MARCHF6: variants seen among roughly 807,000 people sequenced by gnomAD.
MARCHF6 encodes E3 ubiquitin-protein ligase MARCHF6.
In MARCHF6, 31 loss-of-function variants were observed where a neutral mutation model predicts 133.7. The observed-to-expected ratio is 0.23, with a 90% CI of 0.17 to 0.31. The LOEUF (loss-of-function observed/expected upper bound fraction) is 0.31, where lower values mean the gene tolerates loss of function less well. Among genes scored for constraint, MARCHF6 ranks in the 10% least tolerant of loss-of-function variants. MARCHF6 has a pLI of 1.00. For synonymous variants in MARCHF6, 395 were observed against 402.5 expected, an observed-to-expected ratio of 0.98 and a Z score of 0.22; for missense variants, 723 against 1,121.6, an observed-to-expected ratio of 0.64 and a Z score of 5.08.
chr5:10,373,726 C>A (rs530332818), intron 1 of MARCHF6, among the ~76,000 whole-genome samples: 1 of 152,310 alleles, frequency 6.6e-6, no homozygotes, highest in East Asian at 1.9e-4. Context: ...CCTACTTGCA[C>A]AGCCATCTGA....
At chr5:10,376,313 G>T (rs1026299740) in intron 1 of MARCHF6, among the ~76,000 whole-genome samples, 1 of 151,916 alleles carries the variant, frequency 6.6e-6, no homozygotes, top group African/African-American at 2.4e-5. Context: ...GCTGCCTTAA[G>T]AGCTGTAACA....
Position 10,430,024 on chromosome 5 carries a change from G to T in MARCHF6, c.2638G>T (p.Asp880Tyr). 6.2e-7 allele frequency: 1 copy of T among 1,608,270 alleles called. No individual in the cohort carries two copies. The highest frequency in any genetic ancestry group is 1.1e-5 in the South Asian group (1 of 90,636). ...GCGCCTTTATGAACATATTAAAAAT[G>T]ACAAGTAAGTCTGGCGTTCTGTTCG... ...FKRLYEHIKNDKYLVGQRLVN... is the reference protein window; with the variant it reads ...FKRLYEHIKNYKYLVGQRLVN... Residue 880 changes from aspartate to tyrosine, a missense_variant, in exon 25 of 26, where the codon GAC (aspartate) becomes TAC (tyrosine). Transcript: ENST00000274140.
chr5:10,359,518 A>G (rs1369034982), intron 1 of MARCHF6, among the ~76,000 whole-genome samples: 1 of 152,178 alleles, frequency 6.6e-6, no homozygotes, highest in Non-Finnish European at 1.5e-5. Context: ...TTCATGGCAT[A>G]ATTTTATTTT....
At chr5:10,411,591 C>A in intron 19 of MARCHF6, 54 bp downstream of exon 19, 3 of 1,439,166 alleles carry the variant, frequency 2.1e-6, no homozygotes, top group Middle Eastern at 1.8e-4. Context: ...TTTTTTTGTT[C>A]TCCAAATTGC....
At chr5:10,420,301 G>C (rs1020073500) in intron 22 of MARCHF6, among the ~76,000 whole-genome samples, 2 of 152,168 alleles carry the variant, frequency 1.3e-5, no homozygotes, top group Non-Finnish European at 2.9e-5. Flanking sequence ...AAGGGAAGAG[G>C]ACATAGACCC....
At chr5:10,429,751 A>G (rs999876723) in intron 24 of MARCHF6, 142 bp from the exon 25 acceptor site, 21 of 657,932 alleles carry the variant, frequency 3.2e-5, no homozygotes, top group Non-Finnish European at 4.7e-5. Flanking sequence ...CTCATGACCT[A>G]CACAGATTGT....
chr5:10,410,053 A>T, intron 17 of MARCHF6, 86 bp from the exon 18 acceptor site: 1 of 1,343,258 alleles, frequency 7.4e-7, no homozygotes, highest in Non-Finnish European at 1.0e-6. Flanking sequence ...TAAGTTTATT[A>T]GATTCTTAAG....
Position 10,411,430 on chromosome 5 carries a change from A to T in MARCHF6, c.1789A>T (p.Ile597Phe), listed in dbSNP as rs769279967. The T allele has an allele frequency of 6.2e-7, 1 of 1,614,112 alleles. No individual in the cohort carries two copies. The highest frequency in any genetic ancestry group is 1.3e-5 in the African/African-American group (1 of 74,950). The part of the protein sequence containing the change: ...NNQHARNNNA[I>F]PVVGEGLHAA... ...TCAGCATGCTCGAAATAACAACGCT[A>T]TTCCTGTGGTGGGAGAAGGCCTTCA... The change falls in exon 19 of 26, where the codon ATT (isoleucine) becomes TTT (phenylalanine). Residue 597 changes from isoleucine (I) to phenylalanine (F), a missense_variant. Coordinates refer to ENST00000274140, the MANE Select transcript of MARCHF6 (RefSeq NM_005885.4).
rs563383906 is a variant in MARCHF6 at position 10,401,898 on chromosome 5, G to C, written c.973-161G>C. 6 of 593,838 alleles carry C rather than the reference G, an allele frequency of 1.0e-5. No individual in the cohort carries two copies. In the Admixed American group the frequency reaches 1.8e-4, roughly 18 times the overall value. 36.8% of individuals were successfully genotyped at this position (593,838 alleles called of 1,614,324 possible). A position where few individuals can be genotyped will look rare whatever the true frequency, so the allele number is the denominator to read the frequency against. ...TATATAACAGTCAGTGAGAGAATTT[G>C]GTTTTCAGAGATGTCATCCAAAGCA... On this transcript the variant is annotated intron_variant, in intron 11 of 25. Transcript: ENST00000274140.
intron 25 of MARCHF6, among the ~76,000 whole-genome samples, chr5:10,432,672 C>A (rs1740424221): frequency 6.6e-6 from 1 of 152,342 alleles, no homozygotes; most frequent in East Asian, 1.9e-4. Flanking sequence ...GTAACATCTG[C>A]CTTGTTTCTG....
chr5:10,421,012 C>T (rs1739795830), intron 22 of MARCHF6, among the ~76,000 whole-genome samples: 1 of 152,144 alleles, frequency 6.6e-6, no homozygotes, highest in African/African-American at 2.4e-5. Context: ...CCCAAGTTCT[C>T]CATGATGTGT....
At chr5:10,378,701 A>T in intron 2 of MARCHF6, 58 bp from the exon 3 acceptor site, 1 of 1,083,810 alleles carries the variant, frequency 9.2e-7, no homozygotes, top group South Asian at 1.4e-5. Context: ...GTTTTCGACA[A>T]AACTGTAATG....
In MARCHF6 at chr5:10,417,395, T is replaced by C. The variant is rs1339347325; in HGVS notation, c.2274T>C (p.Tyr758=). The C allele has an allele frequency of 3.7e-6, 6 of 1,613,608 alleles. No homozygotes were observed. Among genetic ancestry groups the C allele is most frequent in the Non-Finnish European group, 5.1e-6 (6 of 1,179,936 alleles). The change falls in exon 22 of 26, where the codon TAT becomes TAC. Residue 758 remains tyrosine, a synonymous_variant. Coordinates refer to ENST00000274140, the MANE Select transcript of MARCHF6 (RefSeq NM_005885.4). ...RVPLDQTPLF[Y]PWQDWALGVL... ...CCTTGGATCAGACTCCTCTTTTTTA[T>C]CCATGGCAGGTAAATGTATGTCTTT...
intron 1 of MARCHF6, among the ~76,000 whole-genome samples, chr5:10,365,236 A>C (rs1313228111): frequency 6.6e-6 from 1 of 152,202 alleles, no homozygotes; most frequent in Non-Finnish European, 1.5e-5. Flanking sequence ...TTAATTTAGT[A>C]ACGATAGTAA....
chr5:10,379,254 C>T (rs1323252353), intron 3 of MARCHF6, among the ~76,000 whole-genome samples: 1 of 151,682 alleles, frequency 6.6e-6, no homozygotes, highest in African/African-American at 2.4e-5. Context: ...AATAATTCTA[C>T]CATTTGTAAT....
chr5:10,385,770 C>T lies in MARCHF6; in HGVS notation c.335-1224C>T, dbSNP rs543391971. On this transcript the variant is annotated intron_variant, in intron 4 of 25. Coordinates refer to ENST00000274140, the MANE Select transcript of MARCHF6 (RefSeq NM_005885.4). Reference sequence around the variant, plus strand: ...ACTTTTATACACCAGAAAGCTGGGCCTTGAAATATGTAAAGCATTCACAGT... The same window carrying T: ...ACTTTTATACACCAGAAAGCTGGGCTTTGAAATATGTAAAGCATTCACAGT... 1.1e-4 allele frequency among the ~76,000 whole-genome samples: 16 copies of T among 152,186 alleles called. No individual in the cohort carries two copies. In the South Asian group the frequency reaches 2.9e-3, roughly 28 times the overall value.
intron 16 of MARCHF6, among the ~76,000 whole-genome samples, chr5:10,406,445 G>A (rs1417229820): frequency 2.0e-5 from 3 of 150,232 alleles, no homozygotes; most frequent in African/African-American, 4.9e-5. Flanking sequence ...GTTAGAGTGC[G>A]GTGGTATGAT....
intron 10 of MARCHF6, among the ~76,000 whole-genome samples, chr5:10,400,415 T>A (rs1478840528): frequency 6.6e-6 from 1 of 152,186 alleles, no homozygotes; most frequent in Non-Finnish European, 1.5e-5. Flanking sequence ...TTTTCTTTGA[T>A]GTTGCTTTTT....
intron 1 of MARCHF6, among the ~76,000 whole-genome samples, chr5:10,371,305 C>T (rs970040765): frequency 2.0e-4 from 31 of 152,122 alleles, no homozygotes; most frequent in African/African-American, 7.0e-4. Context: ...AGAATACATT[C>T]GGAGTGCTTA....
Sources: gnomAD v4.1 joint callset for allele counts (sites outside exome capture counted in the v4.1 genomes callset) on GRCh38, gnomAD v4.1.1 for gene constraint, MANE v1.5 for transcripts, NCBI Gene and HGNC (gene_info 2026-07-23, HGNC 2026-07-21) for gene names.